Variants in ENPEP observed in about 807,000 individuals in gnomAD.
ENPEP encodes glutamyl aminopeptidase, also known as AP-A.
ENPEP carries 103 observed loss-of-function variants against 114.5 expected under a neutral mutation model. The ratio of observed to expected loss-of-function variants is 0.90; its 90% CI spans 0.77 to 1.06. The LOEUF (loss-of-function observed/expected upper bound fraction) is 1.06, where lower values mean the gene tolerates loss of function less well. Ranked by LOEUF, ENPEP falls within the 50% of genes least tolerant of loss-of-function variation. The pLI is 0.00. For missense variants in ENPEP, 1,196 were observed against 1,161.3 expected, an observed-to-expected ratio of 1.03 and a Z score of -0.43; for synonymous variants, 420 against 422.0, an observed-to-expected ratio of 1.00 and a Z score of 0.06.
Position 110,564,349 on chromosome 4 carries a change from G to A in ENPEP, c.*2791G>A, listed in dbSNP as rs1318248307. 6.6e-6 allele frequency: 1 copy of A among 152,094 alleles called. No homozygotes were observed. Among genetic ancestry groups the A allele is most frequent in the Non-Finnish European group, 1.5e-5 (1 of 68,022 alleles). 9.4% of individuals were successfully genotyped at this position (152,094 alleles called of 1,614,324 possible). A position where few individuals can be genotyped will look rare whatever the true frequency, so the allele number is the denominator to read the frequency against. On this transcript the variant is annotated 3_prime_UTR_variant, in exon 20 of 20. Coordinates refer to ENST00000265162, the MANE Select transcript of ENPEP (RefSeq NM_001977.4). ...GTAAAAATATGCTTTTGAAATCAGAGTGACCTGGGTTGGAATATCAACTAC... is the reference window on the plus strand; with the variant it reads ...GTAAAAATATGCTTTTGAAATCAGAATGACCTGGGTTGGAATATCAACTAC...
At chr4:110,537,643 T>A (rs1408952647) in intron 11 of ENPEP, among the ~76,000 whole-genome samples, 2 of 152,242 alleles carry the variant, frequency 1.3e-5, no homozygotes, top group African/African-American at 4.8e-5. Context: ...CTCTTATGAA[T>A]CATGAATGTT....
At chr4:110,481,042 C>T (rs1724295145) in intron 1 of ENPEP, among the ~76,000 whole-genome samples, 1 of 152,124 alleles carries the variant, frequency 6.6e-6, no homozygotes, top group African/African-American at 2.4e-5. Context: ...TTCTTCTCTC[C>T]AAGATTTGGC....
intron 7 of ENPEP, among the ~76,000 whole-genome samples, chr4:110,514,743 T>A (rs1285160304): frequency 6.6e-6 from 1 of 152,098 alleles, no homozygotes; most frequent in African/African-American, 2.4e-5. Flanking sequence ...GAAAATTGAT[T>A]TAAAATATTA....
chr4:110,557,810 G>A (rs546202031), intron 18 of ENPEP, among the ~76,000 whole-genome samples: 1 of 152,136 alleles, frequency 6.6e-6, no homozygotes, highest in Non-Finnish European at 1.5e-5. Context: ...ATAAGAGTGG[G>A]CACTGGATCT....
chr4:110,541,093 G>T (rs1481461791), intron 11 of ENPEP, among the ~76,000 whole-genome samples: 1 of 152,096 alleles, frequency 6.6e-6, no homozygotes, highest in Admixed American at 6.6e-5. Context: ...GATGCCAAAA[G>T]ATTAGCTTCC....
In ENPEP at chr4:110,506,728, T is replaced by C. The variant is rs1202420693; in HGVS notation, c.1010T>C (p.Phe337Ser). Residue 337 changes from phenylalanine (F) to serine (S), a missense_variant, in exon 4 of 20, where the codon TTT becomes TCT. Transcript: ENST00000265162. Reference protein sequence around the residue: ...KSVFDYFEEYFAMNYSLPKLD... With the variant: ...KSVFDYFEEYSAMNYSLPKLD... The stretch of plus-strand genomic sequence containing the variant: ...GTGTTTGATTATTTTGAAGAATACT[T>C]TGCTATGAATTATTCTCTTCCTAAA... 1.9e-6 allele frequency: 3 copies of C among 1,599,100 alleles called. No homozygotes were observed. The highest frequency in any genetic ancestry group is 2.6e-6 in the Non-Finnish European group (3 of 1,168,214).
In ENPEP at chr4:110,551,084, T is replaced by C. The variant is rs1048829781; in HGVS notation, c.2501+1198T>C. On this transcript the variant is annotated intron_variant, in intron 17 of 19. Transcript: ENST00000265162. ...ACCTGGGCAACATAGTGAGACCTCG[T>C]ATCTATTTAAAAAAAAAAAAAAAAA... 2.7e-5 allele frequency among the ~76,000 whole-genome samples: 4 copies of C among 145,930 alleles called. 1 individual carries two copies. The highest frequency in any genetic ancestry group is 1.0e-4 in the African/African-American group (4 of 39,318).
At chr4:110,485,712 G>A (rs1466193018) in intron 1 of ENPEP, among the ~76,000 whole-genome samples, 3 of 151,934 alleles carry the variant, frequency 2.0e-5, no homozygotes, top group Non-Finnish European at 4.4e-5. Flanking sequence ...GTCCTTCTTT[G>A]TCTTTCTAAA....
At position 110,542,429 on chromosome 4, in the gene ENPEP, C is replaced by T. The variant is rs111899602; in HGVS notation, c.1808-322C>T. 7.7e-3 allele frequency among the ~76,000 whole-genome samples: 1,168 copies of T among 152,168 alleles called. 7 individuals carry two copies. Among genetic ancestry groups the T allele is most frequent in the African/African-American group, 0.027 (1,122 of 41,552 alleles). On this transcript the variant is annotated intron_variant, in intron 11 of 19. Coordinates refer to ENST00000265162, the MANE Select transcript of ENPEP (RefSeq NM_001977.4). Reference sequence around the variant, plus strand: ...GCATGGACTTCTCTGTCTCGAGGCACTGTTTTCTTTTATTGATGGATTGAC... The same window carrying T: ...GCATGGACTTCTCTGTCTCGAGGCATTGTTTTCTTTTATTGATGGATTGAC...
At position 110,549,303 on chromosome 4, in the gene ENPEP, T is replaced by A. The variant is rs770336461; in HGVS notation, c.2152-43T>A. On this transcript the variant is annotated intron_variant, in intron 14 of 19. Transcript: ENST00000265162. ...TATAATAATTGGGATACTACTGATA[T>A]GTAGTAAATTGTTACTTATTGTACA... 319 of 1,403,428 alleles carry A rather than the reference T, an allele frequency of 2.3e-4. 1 individual carries two copies. Among genetic ancestry groups the A allele is most frequent in the Non-Finnish European group, 2.8e-4 (280 of 988,884 alleles). The allele number at this position is 1,403,428 out of a possible 1,614,324, so 86.9% of individuals were successfully genotyped here.
chr4:110,531,137 A>T, intron 10 of ENPEP, 61 bp from the exon 11 acceptor site: 1 of 1,061,440 alleles, frequency 9.4e-7, no homozygotes, highest in Non-Finnish European at 1.3e-6. Context: ...AGTGATTTTT[A>T]CTCTTGAAAT....
intron 3 of ENPEP, among the ~76,000 whole-genome samples, chr4:110,495,640 G>A (rs1724899635): frequency 6.6e-6 from 1 of 152,172 alleles, no homozygotes; most frequent in African/African-American, 2.4e-5. Flanking sequence ...AGAATCGCTT[G>A]AACCCAGGAG....
chr4:110,515,072 A>G (rs1725710353), intron 7 of ENPEP, among the ~76,000 whole-genome samples: 1 of 152,126 alleles, frequency 6.6e-6, no homozygotes, highest in Non-Finnish European at 1.5e-5. Flanking sequence ...CTCTTTCATT[A>G]AGAAAGCCCC....
rs1242332621 is a variant in ENPEP at position 110,476,729 on chromosome 4, C to A, written c.315C>A (p.His105Gln). Residue 105 changes from histidine to glutamine, a missense_variant, in exon 1 of 20, where the codon CAC (histidine) becomes CAA (glutamine). Coordinates refer to ENST00000265162, the MANE Select transcript of ENPEP (RefSeq NM_001977.4). ...TCAACCCAGTCCACTACGACCTGCACGTGAAGCCCCTGTTGGAGGAGGACA... is the reference window on the plus strand; with the variant it reads ...TCAACCCAGTCCACTACGACCTGCAAGTGAAGCCCCTGTTGGAGGAGGACA... ...DFVNPVHYDL[H>Q]VKPLLEEDTY... The A allele has an allele frequency of 1.2e-6, 2 of 1,613,958 alleles. No individual in the cohort carries two copies. Among genetic ancestry groups the A allele is most frequent in the African/African-American group, 1.3e-5 (1 of 74,944 alleles).
At chr4:110,535,238 G>T (rs1726566715) in intron 11 of ENPEP, among the ~76,000 whole-genome samples, 1 of 152,152 alleles carries the variant, frequency 6.6e-6, no homozygotes, top group Non-Finnish European at 1.5e-5. Context: ...CTCTACAATA[G>T]CTGTTTTTGC....
chr4:110,510,177 G>C, intron 5 of ENPEP, 68 bp from the exon 6 acceptor site: 1 of 1,305,784 alleles, frequency 7.7e-7, no homozygotes, highest in East Asian at 2.3e-5. Flanking sequence ...TAAATGTTTT[G>C]ACATTTTCTA....
intron 18 of ENPEP, among the ~76,000 whole-genome samples, chr4:110,559,361 G>T (rs1023121229): frequency 7.9e-5 from 12 of 151,624 alleles, no homozygotes; most frequent in African/African-American, 2.9e-4. Context: ...CTCTAGCAGG[G>T]CGCTCATGTG....
chr4:110,531,347 GA>G, intron 11 of ENPEP, 70 bp downstream of exon 11: 1 of 1,188,500 alleles, frequency 8.4e-7, no homozygotes, highest in Non-Finnish European at 1.1e-6. Context: ...TAAGTATAAA[GA>G]TGCAACAGTA....
intron 1 of ENPEP, among the ~76,000 whole-genome samples, chr4:110,478,125 T>A (rs112416965): frequency 7.9e-5 from 12 of 152,296 alleles, no homozygotes; most frequent in Admixed American, 1.3e-4. Flanking sequence ...AAATATCCCT[T>A]TTTTTCTGTT....
Sources: allele counts gnomAD v4.1 joint callset (sites outside exome capture counted in the v4.1 genomes callset), GRCh38; gene constraint gnomAD v4.1.1; transcripts MANE v1.5; gene names NCBI Gene and HGNC (gene_info 2026-07-23, HGNC 2026-07-21).